COL4A2: variants seen among roughly 807,000 people sequenced by gnomAD.
The protein encoded by COL4A2 is collagen alpha-2(IV) chain.
COL4A2 carries 99 observed loss-of-function variants against 200.2 expected under a neutral mutation model. The observed-to-expected ratio is 0.49, with a 90% CI of 0.42 to 0.58. The LOEUF (loss-of-function observed/expected upper bound fraction) is 0.58, where lower values mean the gene tolerates loss of function less well. Ranked by LOEUF, COL4A2 falls within the 20% of genes least tolerant of loss-of-function variation. The pLI is 0.00. For missense variants in COL4A2, 1,950 were observed against 2,314.1 expected, an observed-to-expected ratio of 0.84 and a Z score of 3.23; for synonymous variants, 897 against 900.6, an observed-to-expected ratio of 1.00 and a Z score of 0.07.
At chr13:110,486,078 T>A (rs1034980613) in intron 34 of COL4A2, among the ~76,000 whole-genome samples, 2 of 152,088 alleles carry the variant, frequency 1.3e-5, no homozygotes, top group African/African-American at 4.8e-5. Context: ...GGGTGAAGCA[T>A]GTTGTCTGCA....
intron 3 of COL4A2, among the ~76,000 whole-genome samples, chr13:110,329,337 G>A (rs926189378): frequency 2.0e-5 from 3 of 152,174 alleles, no homozygotes; most frequent in Non-Finnish European, 4.4e-5. Context: ...TTGAATCAAC[G>A]CTTTAAGAAA....
intron 24 of COL4A2, 115 bp from the exon 25 acceptor site, chr13:110,465,290 T>C (rs763018956): frequency 4.5e-6 from 6 of 1,341,758 alleles, no homozygotes; most frequent in Non-Finnish European, 5.0e-6. Flanking sequence ...CTCTGTTGTC[T>C]TTCTGTTCTG....
At chr13:110,505,965 A>T (rs1883847935) in intron 45 of COL4A2, among the ~76,000 whole-genome samples, 1 of 152,132 alleles carries the variant, frequency 6.6e-6, no homozygotes, top group Non-Finnish European at 1.5e-5. Context: ...CCATCATTTC[A>T]TGCTACTGAG....
chr13:110,311,590 C>T (rs972528153), intron 3 of COL4A2, among the ~76,000 whole-genome samples: 1 of 152,168 alleles, frequency 6.6e-6, no homozygotes, highest in Non-Finnish European at 1.5e-5. Context: ...TGTGAAGCGC[C>T]TTGGAGGGTC....
intron 11 of COL4A2, among the ~76,000 whole-genome samples, chr13:110,434,154 C>T (rs555776397): frequency 2.0e-5 from 3 of 152,108 alleles, no homozygotes; most frequent in South Asian, 4.1e-4. Flanking sequence ...CATATACTCA[C>T]GATCGAGGGC....
Position 110,316,018 on chromosome 13 carries a change from C to T in COL4A2, c.99+7895C>T, listed in dbSNP as rs568595399. Among the ~76,000 whole-genome samples, 28 of 152,072 alleles carry T rather than the reference C, an allele frequency of 1.8e-4. No individual in the cohort carries two copies. The Middle Eastern group carries it at 0.01, about 55-fold the overall frequency. ...CTTTCTCCCACTGGATAAAACTAGC[C>T]GTATATGATGATAAAGGAATCATGG... On this transcript the variant is annotated intron_variant, in intron 3 of 47. Transcript: ENST00000360467.
intron 3 of COL4A2, among the ~76,000 whole-genome samples, chr13:110,331,357 G>A (rs1369355273): frequency 6.6e-6 from 1 of 152,194 alleles, no homozygotes; most frequent in Non-Finnish European, 1.5e-5. Context: ...ACTCATCTCA[G>A]ATGTCCAGGC....
intron 3 of COL4A2, among the ~76,000 whole-genome samples, chr13:110,347,073 C>A (rs1310103885): frequency 1.3e-5 from 2 of 152,198 alleles, no homozygotes; most frequent in Non-Finnish European, 2.9e-5. Flanking sequence ...TAGAAAGGCA[C>A]TGAGTGTGAA....
rs1594166238 is a variant in COL4A2 at position 110,355,790 on chromosome 13, GTA to G, written c.100-1681_100-1680del. 6.8e-5 allele frequency among the ~76,000 whole-genome samples: 3 copies of G among 44,432 alleles called. 1 individual carries two copies. Among genetic ancestry groups the G allele is most frequent in the East Asian group, 2.4e-3 (2 of 848 alleles). 29.1% of individuals were successfully genotyped at this position (44,432 alleles called of 152,430 possible). On this transcript the variant is annotated intron_variant, in intron 3 of 47. Transcript: ENST00000360467. Reference sequence around the variant, plus strand: ...CACCTGTGTGTGGGGGTGGAGGGCTGTACAGCTCACCTGTGTGAGTGGGGAGG... The same window carrying G: ...CACCTGTGTGTGGGGGTGGAGGGCTGCAGCTCACCTGTGTGAGTGGGGAGG...
intron 3 of COL4A2, among the ~76,000 whole-genome samples, chr13:110,336,492 A>T (rs1037090539): frequency 2.0e-5 from 3 of 152,218 alleles, no homozygotes; most frequent in African/African-American, 7.2e-5. Flanking sequence ...CGCGCTGCCC[A>T]GGGCTGGGCT....
At position 110,476,889 on chromosome 13, in the gene COL4A2, A is replaced by G. The variant is rs538314650; in HGVS notation, c.2426-1114A>G. 7.2e-5 allele frequency among the ~76,000 whole-genome samples: 11 copies of G among 152,354 alleles called. No homozygotes were observed. In the South Asian group the frequency reaches 2.1e-3, roughly 29 times the overall value. On this transcript the variant is annotated intron_variant, in intron 29 of 47. Transcript: ENST00000360467. ...CACATGTGCACACACACCCACACAC[A>G]CACCATATGAAGTTTGAATACAAAG...
intron 4 of COL4A2, among the ~76,000 whole-genome samples, chr13:110,380,772 GTGTCACACCCACGGGCTCTA>G (rs1739284415): frequency 7.5e-6 from 1 of 133,108 alleles, no homozygotes; most frequent in African/African-American, 2.9e-5. Context: ...CATGGGCTCT[GTGTCACACCCACGGGCTCTA>G]TGTCACACCC....
chr13:110,448,824 G>C (rs1170121234), intron 18 of COL4A2, among the ~76,000 whole-genome samples: 1 of 152,246 alleles, frequency 6.6e-6, no homozygotes, highest in African/African-American at 2.4e-5. Flanking sequence ...GACCCTGTGA[G>C]GTGGAGATGG....
chr13:110,459,135 G>A (rs1451708926), intron 22 of COL4A2: 9 of 496,434 alleles, frequency 1.8e-5, no homozygotes, highest in South Asian at 1.3e-4. Context: ...GAGAAGGGGC[G>A]CTGCTGTGGG....
intron 20 of COL4A2, among the ~76,000 whole-genome samples, chr13:110,451,116 TG>T (rs2139482421): frequency 6.6e-6 from 1 of 152,296 alleles, no homozygotes. Flanking sequence ...TCAGCAAAGA[TG>T]CTCTTTCAGG....
intron 4 of COL4A2, among the ~76,000 whole-genome samples, chr13:110,384,009 G>T (rs1054213848): frequency 2.0e-5 from 3 of 152,206 alleles, no homozygotes; most frequent in African/African-American, 7.2e-5. Flanking sequence ...ATGGAAGAAG[G>T]ACTGCTGTGC....
At chr13:110,419,411 G>T (rs1379141702) in intron 4 of COL4A2, among the ~76,000 whole-genome samples, 1 of 152,142 alleles carries the variant, frequency 6.6e-6, no homozygotes, top group African/African-American at 2.4e-5. Context: ...CTTACCCAGG[G>T]AATATTTTAA....
chr13:110,505,107 T>C (rs1423222680), intron 45 of COL4A2, among the ~76,000 whole-genome samples: 16 of 151,894 alleles, frequency 1.1e-4, no homozygotes, highest in South Asian at 1.0e-3. Context: ...TCCCAGCACT[T>C]TGGGAGGCTG....
At chr13:110,355,497 CACT>C (rs1877176647) in intron 3 of COL4A2, among the ~76,000 whole-genome samples, 3 of 70,372 alleles carry the variant, frequency 4.3e-5, no homozygotes, top group Non-Finnish European at 8.1e-5. Flanking sequence ...GGGAGGGCTG[CACT>C]AGCTCACCTG....
Sources: gnomAD v4.1 joint callset for allele counts (sites outside exome capture counted in the v4.1 genomes callset) on GRCh38, gnomAD v4.1.1 for gene constraint, MANE v1.5 for transcripts, NCBI Gene and HGNC (gene_info 2026-07-23, HGNC 2026-07-21) for gene names.